Variants in MALRD1 observed in about 807,000 individuals in gnomAD.
The protein encoded by MALRD1 is MAM and LDL-receptor class A domain-containing protein 1.
In MALRD1, 247 loss-of-function variants were observed where a neutral mutation model predicts 242.1. The ratio of observed to expected loss-of-function variants is 1.02; its 90% CI spans 0.92 to 1.13. MALRD1 has a LOEUF of 1.13. MALRD1 is among the 50% of genes most tolerant of loss of function. The pLI is 0.00. For missense variants in MALRD1, 2,989 were observed against 2,533.1 expected, an observed-to-expected ratio of 1.18 and a Z score of -3.86; for synonymous variants, 995 against 866.6, an observed-to-expected ratio of 1.15 and a Z score of -2.60.
chr10:19,277,688 T>G, intron 19 of MALRD1, among the ~76,000 whole-genome samples: 1 of 152,240 alleles, frequency 6.6e-6, no homozygotes, highest in East Asian at 1.9e-4. Flanking sequence ...AATTTTCTTC[T>G]TTAGCTATAT....
At chr10:19,284,237 T>C (rs1840980158) in intron 21 of MALRD1, among the ~76,000 whole-genome samples, 1 of 147,348 alleles carries the variant, frequency 6.8e-6, no homozygotes, top group Non-Finnish European at 1.5e-5. Context: ...ATGTTTGTAT[T>C]TTACATACCA....
intron 26 of MALRD1, among the ~76,000 whole-genome samples, chr10:19,380,251 A>G (rs1170379656): frequency 6.7e-6 from 1 of 148,974 alleles, no homozygotes; most frequent in Non-Finnish European, 1.5e-5. Flanking sequence ...CTAGGATTAC[A>G]GGTGTGAGCC....
intron 26 of MALRD1, among the ~76,000 whole-genome samples, chr10:19,376,430 A>T (rs1216366324): frequency 2.6e-5 from 4 of 152,084 alleles, no homozygotes; most frequent in Non-Finnish European, 1.5e-5. Context: ...AGGTCTCCAG[A>T]CATCAAAAAT....
intron 28 of MALRD1, among the ~76,000 whole-genome samples, chr10:19,408,391 G>A (rs4428968): frequency 0.72 from 109,975 of 152,008 alleles, 40,263 homozygotes; most frequent in African/African-American, 0.81. Context: ...AACTTCACAC[G>A]TGGTTTCTCT....
At chr10:19,397,805 G>T (rs1301549004) in intron 28 of MALRD1, among the ~76,000 whole-genome samples, 1 of 151,814 alleles carries the variant, frequency 6.6e-6, no homozygotes, top group East Asian at 1.9e-4. Context: ...CCACAACGTT[G>T]CTAACACTTC....
At chr10:19,056,842 A>G (rs925900677) in intron 1 of MALRD1, among the ~76,000 whole-genome samples, 1 of 152,108 alleles carries the variant, frequency 6.6e-6, no homozygotes, top group Non-Finnish European at 1.5e-5. Flanking sequence ...CTTTTACCGT[A>G]TTCTGTCTAT....
chr10:19,468,441 C>CTCAT (rs1183784237), intron 29 of MALRD1, among the ~76,000 whole-genome samples: 2 of 152,128 alleles, frequency 1.3e-5, no homozygotes, highest in Non-Finnish European at 2.9e-5. Flanking sequence ...AATTTTATCA[C>CTCAT]TCATTAATGT....
At chr10:19,657,410 A>T (rs1841205584) in intron 36 of MALRD1, among the ~76,000 whole-genome samples, 1 of 151,920 alleles carries the variant, frequency 6.6e-6, no homozygotes, top group Admixed American at 6.6e-5. Flanking sequence ...GGAAGAACAC[A>T]CTCCAGCCCA....
chr10:19,678,915 A>C (rs778625703), intron 36 of MALRD1, among the ~76,000 whole-genome samples: 5 of 152,052 alleles, frequency 3.3e-5, no homozygotes, highest in Non-Finnish European at 5.9e-5. Context: ...ATCCATGATT[A>C]TGTGATTTTT....
chr10:19,512,706 T>C (rs1327766663), intron 31 of MALRD1, among the ~76,000 whole-genome samples: 1 of 152,294 alleles, frequency 6.6e-6, no homozygotes, highest in East Asian at 1.9e-4. Flanking sequence ...TTTTAAATGA[T>C]TTATAGGTAG....
At chr10:19,571,808 G>T (rs906969503) in intron 33 of MALRD1, among the ~76,000 whole-genome samples, 1 of 152,216 alleles carries the variant, frequency 6.6e-6, no homozygotes, top group African/African-American at 2.4e-5. Context: ...ACTCAGATGA[G>T]ACACAAATGA....
At chr10:19,679,956 G>A (rs1018900778) in intron 36 of MALRD1, among the ~76,000 whole-genome samples, 2 of 152,148 alleles carry the variant, frequency 1.3e-5, no homozygotes, top group African/African-American at 4.8e-5. Flanking sequence ...TAGTTGTGTG[G>A]TTTTGAGTAA....
At chr10:19,398,222 C>T (rs977781360) in intron 28 of MALRD1, among the ~76,000 whole-genome samples, 1 of 151,820 alleles carries the variant, frequency 6.6e-6, no homozygotes, top group Non-Finnish European at 1.5e-5. Context: ...AGGTCTTATC[C>T]AAAAAAATCC....
chr10:19,490,662 T>C (rs2131215985), intron 29 of MALRD1, among the ~76,000 whole-genome samples: 1 of 152,308 alleles, frequency 6.6e-6, no homozygotes, highest in Non-Finnish European at 1.5e-5. Context: ...AAAATTAGAC[T>C]GTGATATCAA....
At chr10:19,651,253 A>T (rs1308481728) in intron 36 of MALRD1, among the ~76,000 whole-genome samples, 1 of 152,174 alleles carries the variant, frequency 6.6e-6, no homozygotes, top group African/African-American at 2.4e-5. Flanking sequence ...AGTAAAACTG[A>T]TTGGGACTGG....
rs370850661 is a variant in MALRD1, at chr10:19,541,262, A to G, written c.5478+9911A>G. 2.6e-5 allele frequency among the ~76,000 whole-genome samples: 4 copies of G among 152,320 alleles called. No individual in the cohort carries two copies. The East Asian group carries it at 7.7e-4, about 29-fold the overall frequency. On this transcript the variant is annotated intron_variant, in intron 32 of 39. Transcript: ENST00000454679. ...TGGTGTTAAACTGCTTATCAATGGT[A>G]GCTTTGGAGAAAAATATTAGATAGT...
At chr10:19,172,038 TGATATATATC>T (rs1554803443) in intron 13 of MALRD1, among the ~76,000 whole-genome samples, 5,967 of 36,274 alleles carry the variant, frequency 0.16, 456 homozygotes, top group Admixed American at 0.23. Context: ...CACATATATG[TGATATATATC>T]ATATATCACA....
intron 36 of MALRD1, among the ~76,000 whole-genome samples, chr10:19,675,818 A>G (rs1189242399): frequency 6.6e-6 from 1 of 152,210 alleles, no homozygotes; most frequent in Non-Finnish European, 1.5e-5. Flanking sequence ...TTCTAAAAGC[A>G]TATAGCTTGC....
chr10:19,122,023 A>T (rs958290809), intron 5 of MALRD1, among the ~76,000 whole-genome samples: 2 of 152,334 alleles, frequency 1.3e-5, no homozygotes, highest in Middle Eastern at 3.4e-3. Context: ...AATCTGCATG[A>T]TTTCTTCACT....
Sources: allele counts gnomAD v4.1 joint callset (sites outside exome capture counted in the v4.1 genomes callset), GRCh38; gene constraint gnomAD v4.1.1; transcripts MANE v1.5; gene names NCBI Gene and HGNC (gene_info 2026-07-23, HGNC 2026-07-21).